The following TRAPPC9 variants were observed in gnomAD, a reference collection of about 807,000 sequenced individuals.
The protein encoded by TRAPPC9 is trafficking protein particle complex subunit 9, also known as IKK2 binding protein.
TRAPPC9 carries 83 observed loss-of-function variants against 124.0 expected under a neutral mutation model. The observed-to-expected ratio is 0.67, with a 90% CI of 0.56 to 0.80. TRAPPC9 has a LOEUF of 0.80. Ranked by LOEUF, TRAPPC9 falls within the 30% of genes least tolerant of loss-of-function variation. The pLI is 0.00. For missense variants in TRAPPC9, 1,302 were observed against 1,508.3 expected (o/e 0.86, Z 2.27); for synonymous variants, 638 against 617.5 (o/e 1.03, Z -0.49).
chr8:140,225,202 A>C (rs912961358), intron 16 of TRAPPC9, among the ~76,000 whole-genome samples: 1 of 152,226 alleles, frequency 6.6e-6, no homozygotes, highest in Non-Finnish European at 1.5e-5. Flanking sequence ...TTGAAGACTG[A>C]ATTCTTGTCA....
chr8:139,932,524 A>G (rs1311792357), intron 19 of TRAPPC9: 5 of 455,834 alleles, frequency 1.1e-5, no homozygotes, highest in Non-Finnish European at 2.2e-5. Flanking sequence ...GCACTTTGGA[A>G]GGCCGAGGCA....
intron 21 of TRAPPC9, among the ~76,000 whole-genome samples, chr8:139,814,033 C>A (rs1395081780): frequency 6.6e-6 from 1 of 152,210 alleles, no homozygotes; most frequent in South Asian, 2.1e-4. Context: ...CCAGCTGACT[C>A]AAAAGTCCCC....
At chr8:139,866,647 G>A (rs1828559398) in intron 21 of TRAPPC9, among the ~76,000 whole-genome samples, 1 of 152,202 alleles carries the variant, frequency 6.6e-6, no homozygotes, top group African/African-American at 2.4e-5. Flanking sequence ...GAGGACATGA[G>A]GTACCAGTAA....
intron 21 of TRAPPC9, among the ~76,000 whole-genome samples, chr8:139,764,892 C>T (rs1261382438): frequency 1.3e-5 from 2 of 152,150 alleles, no homozygotes; most frequent in African/African-American, 4.8e-5. Context: ...GCAGCAAGTA[C>T]TCGGTTCTCG....
rs569740128 is a variant in TRAPPC9, at chr8:139,840,552, G to C, written c.3055+45327C>G. Among the ~76,000 whole-genome samples, 221 of 152,328 alleles carry C rather than the reference G, an allele frequency of 1.5e-3. 1 individual carries two copies. The highest frequency in any genetic ancestry group is 5.3e-3 in the African/African-American group (219 of 41,580). On this transcript the variant is annotated intron_variant, in intron 21 of 22. Coordinates refer to ENST00000438773, the MANE Select transcript of TRAPPC9 (RefSeq NM_001160372.4). ...CAAATTGGAGGTCGGCGAGGGTAGC[G>C]TGTTCCTGGAGAACAGACCAGAAAC...
intron 18 of TRAPPC9, among the ~76,000 whole-genome samples, chr8:140,000,066 G>A (rs1166330960): frequency 1.3e-5 from 2 of 152,138 alleles, no homozygotes; most frequent in Non-Finnish European, 1.5e-5. Context: ...AGAGGCCTCA[G>A]AAATAACACC....
intron 9 of TRAPPC9, among the ~76,000 whole-genome samples, chr8:140,321,964 G>A (rs933341718): frequency 1.3e-5 from 2 of 152,136 alleles, no homozygotes; most frequent in Non-Finnish European, 2.9e-5. Context: ...GAGAACAACC[G>A]AGATTCCTCC....
chr8:140,015,671 G>A lies in TRAPPC9; in HGVS notation c.2699+8266C>T, dbSNP rs189282442. Among the ~76,000 whole-genome samples, 92 of 152,032 alleles carry A rather than the reference G, an allele frequency of 6.1e-4. No homozygotes were observed. In the East Asian group the frequency reaches 0.014, roughly 23 times the overall value. On this transcript the variant is annotated intron_variant, in intron 18 of 22. Coordinates refer to ENST00000438773, the MANE Select transcript of TRAPPC9 (RefSeq NM_001160372.4). Reference sequence around the variant, plus strand: ...AATAAAAAAAAAATAAGCCAGGCACGGTGGCTCATGCCTGTAGTCCCAGCT... The same window carrying A: ...AATAAAAAAAAAATAAGCCAGGCACAGTGGCTCATGCCTGTAGTCCCAGCT...
chr8:139,907,912 C>G lies in TRAPPC9; in HGVS notation c.2964+2235G>C, dbSNP rs879555060. On this transcript the variant is annotated intron_variant, in intron 20 of 22. Transcript: ENST00000438773. The surrounding 1 kb of genome is among the most constrained non-coding windows in gnomAD (Gnocchi z 4.7). ...AGCTACGGGGTGCAGGAACTGGCCA[C>G]GCCACTTTCTCTTTGTGAAGTGGAG... is the stretch of plus-strand genomic sequence containing the variant. 4.8e-4 allele frequency among the ~76,000 whole-genome samples: 73 copies of G among 152,176 alleles called. No individual in the cohort carries two copies. The highest frequency in any genetic ancestry group is 9.4e-4 in the Non-Finnish European group (64 of 68,032).
chr8:140,019,859 TTC>T (rs1451114528), intron 18 of TRAPPC9, among the ~76,000 whole-genome samples: 1 of 152,048 alleles, frequency 6.6e-6, no homozygotes, highest in Non-Finnish European at 1.5e-5. Context: ...GCCGTCATTT[TTC>T]TTCTTTTTAA....
At chr8:140,112,264 G>A (rs921019207) in intron 17 of TRAPPC9, among the ~76,000 whole-genome samples, 7 of 151,696 alleles carry the variant, frequency 4.6e-5, no homozygotes, top group Non-Finnish European at 1.0e-4. Context: ...TGGGACAGGT[G>A]CGAGGAGAGT....
At chr8:140,419,778 C>A (rs1033547044) in intron 5 of TRAPPC9, among the ~76,000 whole-genome samples, 1 of 151,762 alleles carries the variant, frequency 6.6e-6, no homozygotes, top group Non-Finnish European at 1.5e-5. Flanking sequence ...CCCAGCTACT[C>A]GGGAGGCTGA....
intron 7 of TRAPPC9, among the ~76,000 whole-genome samples, chr8:140,396,459 C>G (rs949565498): frequency 6.6e-6 from 1 of 151,982 alleles, no homozygotes; most frequent in African/African-American, 2.4e-5. Flanking sequence ...GCTTTTAAAA[C>G]CCGCCGCTCT....
chr8:140,185,638 C>T (rs2062335827), intron 17 of TRAPPC9, among the ~76,000 whole-genome samples: 1 of 152,138 alleles, frequency 6.6e-6, no homozygotes, highest in Admixed American at 6.5e-5. Context: ...ATGTCATTGC[C>T]CAGGGCTCAG....
intron 7 of TRAPPC9, among the ~76,000 whole-genome samples, chr8:140,388,527 T>C (rs1267615457): frequency 6.6e-6 from 1 of 151,896 alleles, no homozygotes; most frequent in Non-Finnish European, 1.5e-5. Context: ...CTATTAAAAA[T>C]ACAAAATTAG....
At chr8:139,748,192 A>G (rs1184273796) in intron 21 of TRAPPC9, among the ~76,000 whole-genome samples, 2 of 57,378 alleles carry the variant, frequency 3.5e-5, no homozygotes, top group Non-Finnish European at 6.0e-5. Flanking sequence ...GGGTCAGAGC[A>G]GGTGGGAGGT....
At chr8:140,316,501 T>C (rs1461303798) in intron 9 of TRAPPC9, among the ~76,000 whole-genome samples, 2 of 152,206 alleles carry the variant, frequency 1.3e-5, no homozygotes, top group Non-Finnish European at 2.9e-5. Flanking sequence ...TTTCTGCTTC[T>C]ATAGAAATGA....
chr8:139,745,216 G>A (rs1297780986), intron 21 of TRAPPC9, among the ~76,000 whole-genome samples: 1 of 152,242 alleles, frequency 6.6e-6, no homozygotes, highest in East Asian at 1.9e-4. Context: ...TCCTCGGGTC[G>A]AAGGCTTTAT....
At chr8:140,294,706 C>T (rs1418897565) in intron 11 of TRAPPC9, among the ~76,000 whole-genome samples, 1 of 151,520 alleles carries the variant, frequency 6.6e-6, no homozygotes, top group Non-Finnish European at 1.5e-5. Context: ...TTCCCGGGTT[C>T]AAACGAGTCT....
Sources: gnomAD v4.1 joint callset for allele counts (sites outside exome capture counted in the v4.1 genomes callset) on GRCh38, gnomAD v4.1.1 for gene constraint, Gnocchi (gnomAD v3.1) non-coding constraint, MANE v1.5 for transcripts, NCBI Gene and HGNC (gene_info 2026-07-23, HGNC 2026-07-21) for gene names.